Variants in SNTG1 observed in about 807,000 individuals in gnomAD.
SNTG1 encodes syntrophin gamma 1.
In SNTG1, 39 loss-of-function variants were observed where a neutral mutation model predicts 74.7. The observed-to-expected ratio is 0.52, with a 90% CI of 0.40 to 0.68. SNTG1 has a LOEUF of 0.68. Among genes scored for constraint, SNTG1 ranks in the 30% least tolerant of loss-of-function variants. SNTG1 has a pLI of 0.00. For missense variants in SNTG1, 685 were observed against 609.5 expected, an observed-to-expected ratio of 1.12 and a Z score of -1.30; for synonymous variants, 254 against 217.1, an observed-to-expected ratio of 1.17 and a Z score of -1.49.
At chr8:50,089,526 C>T (rs1249652263) in intron 1 of SNTG1, among the ~76,000 whole-genome samples, 1 of 151,936 alleles carries the variant, frequency 6.6e-6, no homozygotes, top group Non-Finnish European at 1.5e-5. Context: ...GGGCTAATAT[C>T]CAGAATCTAC....
intron 2 of SNTG1, among the ~76,000 whole-genome samples, chr8:50,299,283 G>T (rs1488371857): frequency 6.6e-6 from 1 of 151,878 alleles, no homozygotes; most frequent in Non-Finnish European, 1.5e-5. Context: ...TTGAACTCTT[G>T]GACTCAAAAT....
At chr8:50,723,257 T>G (rs1218891606) in intron 17 of SNTG1, among the ~76,000 whole-genome samples, 3 of 152,272 alleles carry the variant, frequency 2.0e-5, no homozygotes, top group Non-Finnish European at 2.9e-5. Context: ...ATTCAAAAAT[T>G]TCATCATACA....
In SNTG1 at chr8:50,648,424, A is replaced by T. The variant is rs1391721410; in HGVS notation, c.850-8485A>T. 2.6e-5 allele frequency among the ~76,000 whole-genome samples: 4 copies of T among 152,170 alleles called. No individual in the cohort carries two copies. In the East Asian group the frequency reaches 7.7e-4, roughly 29 times the overall value. On this transcript the variant is annotated intron_variant, in intron 13 of 18. Transcript: ENST00000642720. ...TCTTTCTTGCCAAAACAGAGGAGTC[A>T]TTAATAGAGAAACTGTAAGTTTTAT...
intron 2 of SNTG1, among the ~76,000 whole-genome samples, chr8:50,243,716 C>T (rs531432522): frequency 6.6e-5 from 10 of 151,828 alleles, no homozygotes; most frequent in Non-Finnish European, 1.5e-4. Flanking sequence ...CATGGACATA[C>T]ACACAGATTA....
At chr8:50,097,199 T>C (rs886172866) in intron 1 of SNTG1, among the ~76,000 whole-genome samples, 15 of 152,092 alleles carry the variant, frequency 9.9e-5, no homozygotes, top group Non-Finnish European at 1.8e-4. Context: ...CTCAATCTCC[T>C]GACCTCGTGA....
chr8:50,401,103 A>T (rs1014761234), intron 3 of SNTG1, among the ~76,000 whole-genome samples: 2 of 152,164 alleles, frequency 1.3e-5, no homozygotes, highest in Non-Finnish European at 2.9e-5. Context: ...TTTGAAATTA[A>T]TTAATTAATT....
chr8:50,667,438 G>A (rs1465654681), intron 15 of SNTG1, among the ~76,000 whole-genome samples: 1 of 152,006 alleles, frequency 6.6e-6, no homozygotes, highest in Non-Finnish European at 1.5e-5. Context: ...TGAAGTCCAA[G>A]AGCATGATGC....
chr8:50,046,045 T>C (rs574351430), intron 1 of SNTG1, among the ~76,000 whole-genome samples: 1 of 152,238 alleles, frequency 6.6e-6, no homozygotes, highest in South Asian at 2.1e-4. Flanking sequence ...GAGGAAGCAG[T>C]CTTAGACAAT....
At chr8:50,553,243 A>G (rs1223964509) in intron 12 of SNTG1, 64 bp downstream of exon 12, 1 of 1,586,500 alleles carries the variant, frequency 6.3e-7, no homozygotes, top group Non-Finnish European at 8.6e-7. Context: ...CCTTCAGTAT[A>G]TATGTAACTT....
At chr8:50,482,209 G>T (rs903480108) in intron 8 of SNTG1, among the ~76,000 whole-genome samples, 2 of 152,176 alleles carry the variant, frequency 1.3e-5, no homozygotes, top group Admixed American at 6.5e-5. Flanking sequence ...AGTGATAGTA[G>T]ATATGAAAGT....
intron 1 of SNTG1, among the ~76,000 whole-genome samples, chr8:50,091,811 CT>C (rs2079748380): frequency 1.3e-5 from 2 of 151,934 alleles, no homozygotes; most frequent in Non-Finnish European, 2.9e-5. Context: ...AGATAAAAAA[CT>C]TTTTAAATTT....
chr8:49,989,286 A>T (rs1436680391), intron 1 of SNTG1, among the ~76,000 whole-genome samples: 1 of 152,062 alleles, frequency 6.6e-6, no homozygotes, highest in Non-Finnish European at 1.5e-5. Flanking sequence ...GACCTTACAA[A>T]ATTAAAGAGA....
intron 4 of SNTG1, among the ~76,000 whole-genome samples, chr8:50,417,408 C>T (rs1002822136): frequency 2.2e-4 from 33 of 152,148 alleles, no homozygotes; most frequent in Non-Finnish European, 4.1e-4. Flanking sequence ...TTTACTTTCT[C>T]TAGACGCAAT....
chr8:50,095,129 G>T (rs2079879239), intron 1 of SNTG1, among the ~76,000 whole-genome samples: 1 of 152,106 alleles, frequency 6.6e-6, no homozygotes, highest in Non-Finnish European at 1.5e-5. Context: ...AAAAAGACGG[G>T]AGCAATAAAC....
At chr8:49,954,051 A>G (rs1353314440) in intron 1 of SNTG1, among the ~76,000 whole-genome samples, 1 of 152,202 alleles carries the variant, frequency 6.6e-6, no homozygotes, top group African/African-American at 2.4e-5. Context: ...ATTTTCTGTT[A>G]CAATCAAATT....
At chr8:49,921,030 A>G (rs1446249016) in intron 1 of SNTG1, among the ~76,000 whole-genome samples, 2 of 152,088 alleles carry the variant, frequency 1.3e-5, no homozygotes, top group African/African-American at 4.8e-5. Flanking sequence ...TAATGAGAGG[A>G]CATAACAACC....
chr8:50,745,362 G>A (rs997229869), intron 17 of SNTG1, among the ~76,000 whole-genome samples: 1 of 151,920 alleles, frequency 6.6e-6, no homozygotes, highest in African/African-American at 2.4e-5. Context: ...TACATTCATT[G>A]GGATGGCAAA....
At chr8:50,172,978 T>G (rs2082863811) in intron 2 of SNTG1, among the ~76,000 whole-genome samples, 1 of 149,236 alleles carries the variant, frequency 6.7e-6, no homozygotes, top group South Asian at 2.2e-4. Flanking sequence ...AAAACACCCT[T>G]TATTAGGTGA....
At chr8:50,688,781 C>T (rs1160602679) in intron 15 of SNTG1, among the ~76,000 whole-genome samples, 5 of 151,838 alleles carry the variant, frequency 3.3e-5, no homozygotes, top group Admixed American at 6.6e-5. Flanking sequence ...TAGTTTTTTC[C>T]AATTCTGTGA....
Sources: allele counts gnomAD v4.1 joint callset (sites outside exome capture counted in the v4.1 genomes callset), GRCh38; gene constraint gnomAD v4.1.1; transcripts MANE v1.5; gene names NCBI Gene and HGNC (gene_info 2026-07-23, HGNC 2026-07-21).